Variants in ABCB11 observed in about 807,000 individuals in gnomAD.
ABCB11 encodes the protein ATP binding cassette subfamily B member 11.
Under a neutral mutation model 148.0 loss-of-function variants are expected in ABCB11, and 95 were observed. The observed-to-expected ratio is 0.64, with a 90% CI of 0.54 to 0.76. The LOEUF (loss-of-function observed/expected upper bound fraction) is 0.76. Among genes scored for constraint, ABCB11 ranks in the 30% least tolerant of loss-of-function variants. The probability of loss-of-function intolerance (pLI) is 0.00; values close to 1 mark genes in which losing one functional copy is unlikely to be tolerated. For missense variants in ABCB11, 1,523 were observed against 1,617.8 expected (o/e 0.94, Z 1.01); for synonymous variants, 591 against 555.4 (o/e 1.06, Z -0.90).
At chr2:168,940,262 A>G (rs2685804) in intron 21 of ABCB11, among the ~76,000 whole-genome samples, 74,535 of 151,728 alleles carry the variant, frequency 0.49, 19,339 homozygotes, top group South Asian at 0.66. Context: ...CTGAGATAGG[A>G]CTAAATAAAT....
At chr2:168,947,481 A>G (rs1299545915) in intron 19 of ABCB11, among the ~76,000 whole-genome samples, 1 of 151,664 alleles carries the variant, frequency 6.6e-6, no homozygotes, top group African/African-American at 2.4e-5. Flanking sequence ...GCTTAGCTAG[A>G]TTGGCAACTG....
intron 12 of ABCB11, 28 bp from the exon 13 acceptor site, chr2:168,973,868 C>A (rs367713743): frequency 5.0e-6 from 8 of 1,606,788 alleles, no homozygotes. Context: ...CAGCAAAGTT[C>A]AGATTGTCAC....
At position 168,975,525 on chromosome 2, in the gene ABCB11, T is replaced by A. The variant is rs867592814; in HGVS notation, c.1308+1052A>T. ...TTTATAGATAAATATATAAATATTT[T>A]TATATTTATAGATAAATATATAAAT... On this transcript the variant is annotated intron_variant, in intron 12 of 27. Coordinates refer to ENST00000650372, the MANE Select transcript of ABCB11 (RefSeq NM_003742.4). Among the ~76,000 whole-genome samples the A allele has an allele frequency of 2.6e-4, 19 of 73,048 alleles. No individual in the cohort carries two copies. The East Asian group carries it at 3.3e-3, about 13-fold the overall frequency. 47.9% of individuals were successfully genotyped at this position (73,048 alleles called of 152,430 possible). A position where few individuals can be genotyped will look rare whatever the true frequency, so the allele number is the denominator to read the frequency against.
intron 10 of ABCB11, among the ~76,000 whole-genome samples, chr2:168,985,466 A>G (rs1362907931): frequency 6.6e-6 from 1 of 152,138 alleles, no homozygotes; most frequent in African/African-American, 2.4e-5. Context: ...TAGCAGCACA[A>G]TTTACAATTG....
rs853789 is a variant in ABCB11 at position 168,944,978 on chromosome 2, A to G, written c.2344-17T>C. The G allele has an allele frequency of 0.7, 1,021,838 of 1,468,048 alleles. 361,149 individuals are homozygous for G. Among genetic ancestry groups the G allele is most frequent in the East Asian group, 0.99 (39,996 of 40,414 alleles). 90.9% of individuals were successfully genotyped at this position (1,468,048 alleles called of 1,614,324 possible). On this transcript the variant is annotated splice_polypyrimidine_tract_variant and intron_variant, in intron 19 of 27. Coordinates refer to ENST00000650372, the MANE Select transcript of ABCB11 (RefSeq NM_003742.4). Reference sequence around the variant, plus strand: ...TGAAAAAGTCTTGGAAAGATAGTAAACAAGAAAGTAACTTTATTATAAATA... The same window carrying G: ...TGAAAAAGTCTTGGAAAGATAGTAAGCAAGAAAGTAACTTTATTATAAATA...
At chr2:169,027,855 A>G (rs1430736345) in intron 1 of ABCB11, among the ~76,000 whole-genome samples, 1 of 152,126 alleles carries the variant, frequency 6.6e-6, no homozygotes, top group Non-Finnish European at 1.5e-5. Context: ...ATCTTCACCA[A>G]TGGCTGGGAT....
rs768150090 is a variant in ABCB11 at position 168,932,141 on chromosome 2, T to A, written c.3213+236A>T. Among the ~76,000 whole-genome samples the A allele has an allele frequency of 5.3e-5, 8 of 152,318 alleles. No homozygotes were observed. In the South Asian group the frequency reaches 6.2e-4, roughly 12 times the overall value. On this transcript the variant is annotated intron_variant, in intron 24 of 27. Transcript: ENST00000650372. ...CATCTACATTAGGTATTTCTCCTAA[T>A]GCTATCCCTCCCCTACCCCACACCA...
chr2:169,023,081 T>C (rs1298619994), intron 1 of ABCB11, among the ~76,000 whole-genome samples: 1 of 152,188 alleles, frequency 6.6e-6, no homozygotes, highest in African/African-American at 2.4e-5. Context: ...TGTTAAGATG[T>C]GGAGGAAAGA....
chr2:169,014,488 C>A (rs1050519054), intron 3 of ABCB11, 134 bp from the exon 4 acceptor site: 2 of 778,984 alleles, frequency 2.6e-6, no homozygotes, highest in African/African-American at 3.5e-5. Context: ...CTGGCCAAAC[C>A]TAGTATCTTA....
chr2:168,976,217 G>A (rs534918935), intron 12 of ABCB11, among the ~76,000 whole-genome samples: 3 of 152,206 alleles, frequency 2.0e-5, no homozygotes, highest in East Asian at 3.9e-4. Context: ...CAGTCTCTGC[G>A]AAGGTTGGGA....
intron 1 of ABCB11, 63 bp from the exon 2 acceptor site, chr2:169,018,215 A>T (rs543535199): frequency 6.9e-7 from 1 of 1,447,622 alleles, no homozygotes; most frequent in Non-Finnish European, 9.5e-7. Flanking sequence ...TAATCAAAGT[A>T]GCCAAACGAA....
intron 5 of ABCB11, among the ~76,000 whole-genome samples, chr2:169,000,175 T>C (rs1573961860): frequency 6.6e-6 from 1 of 152,102 alleles, no homozygotes; most frequent in East Asian, 1.9e-4. Flanking sequence ...TAACACTGAG[T>C]TTTGAGAATT....
chr2:169,011,360 A>G (rs1405792484), intron 5 of ABCB11, among the ~76,000 whole-genome samples: 1 of 152,184 alleles, frequency 6.6e-6, no homozygotes, highest in Non-Finnish European at 1.5e-5. Context: ...CTCTGTAAAA[A>G]GCAGTTCACT....
At chr2:168,975,966 G>A (rs1243375013) in intron 12 of ABCB11, among the ~76,000 whole-genome samples, 1 of 151,894 alleles carries the variant, frequency 6.6e-6, no homozygotes, top group African/African-American at 2.4e-5. Context: ...AATTTATTCA[G>A]GGGTAGTAGA....
At chr2:169,018,959 C>T (rs11902424) in intron 1 of ABCB11, among the ~76,000 whole-genome samples, 1,611 of 152,216 alleles carry the variant, frequency 0.011, 31 homozygotes, top group African/African-American at 0.035. Context: ...TTCCCCTCAG[C>T]GTCTGGATGC....
intron 1 of ABCB11, among the ~76,000 whole-genome samples, chr2:169,020,119 G>A (rs1403776907): frequency 6.6e-6 from 1 of 152,178 alleles, no homozygotes; most frequent in Non-Finnish European, 1.5e-5. Context: ...ATGTAGATAT[G>A]AGTGTAACTT....
At chr2:168,987,183 G>T (rs116244323) in intron 9 of ABCB11, among the ~76,000 whole-genome samples, 2,494 of 152,152 alleles carry the variant, frequency 0.016, 65 homozygotes, top group African/African-American at 0.057. Context: ...TTTTTTACTT[G>T]ATGGATTTGG....
At chr2:169,031,001 T>C (rs1264522281) in intron 1 of ABCB11, among the ~76,000 whole-genome samples, 1 of 152,210 alleles carries the variant, frequency 6.6e-6, no homozygotes, top group East Asian at 1.9e-4. Context: ...GATTGATACA[T>C]GAAATAGCAT....
chr2:168,939,152 A>T (rs1390638149), intron 21 of ABCB11, among the ~76,000 whole-genome samples: 1 of 152,106 alleles, frequency 6.6e-6, no homozygotes, highest in East Asian at 1.9e-4. Flanking sequence ...AAAAAATGAT[A>T]AATATCCTTG....
Sources: allele counts gnomAD v4.1 joint callset (sites outside exome capture counted in the v4.1 genomes callset), GRCh38; gene constraint gnomAD v4.1.1; transcripts MANE v1.5; gene names NCBI Gene and HGNC (gene_info 2026-07-23, HGNC 2026-07-21).